PTPRU: variants seen among roughly 807,000 people sequenced by gnomAD.
PTPRU encodes the protein protein tyrosine phosphatase receptor type U.
In PTPRU, 69 loss-of-function variants were observed where a neutral mutation model predicts 166.3. The ratio of observed to expected loss-of-function variants is 0.41; its 90% CI spans 0.34 to 0.51. The LOEUF is 0.51. Among genes scored for constraint, PTPRU ranks in the 20% least tolerant of loss-of-function variants. The probability of loss-of-function intolerance (pLI) is 0.09; values close to 1 mark genes in which losing one functional copy is unlikely to be tolerated. For missense variants in PTPRU, 1,657 were observed against 2,013.7 expected (o/e 0.82, Z 3.39); for synonymous variants, 793 against 814.0 (o/e 0.97, Z 0.44).
At chr1:29,278,828 C>T (rs999032347) in intron 8 of PTPRU, among the ~76,000 whole-genome samples, 184 bp from the exon 9 acceptor site, 1 of 152,248 alleles carries the variant, frequency 6.6e-6, no homozygotes, top group Non-Finnish European at 1.5e-5. Context: ...ATGTACATCA[C>T]ATCATTTGAG....
In PTPRU at chr1:29,238,082, G is replaced by A. The variant is rs1477870789; in HGVS notation, c.73+1365G>A. On this transcript the variant is annotated intron_variant, in intron 1 of 29. Transcript: ENST00000373779. This position sits in a 1 kb window ranked among gnomAD's most constrained non-coding sequence, Gnocchi z 6.1. ...GCCAGGTGTGTGCTTGAGTGTGAGC[G>A]TGAGTGTGAGCGTGTGGCTCCGCGC... 3.4e-5 allele frequency among the ~76,000 whole-genome samples: 5 copies of A among 149,142 alleles called. No homozygotes were observed. Among genetic ancestry groups the A allele is most frequent in the Non-Finnish European group, 7.4e-5 (5 of 67,862 alleles).
chr1:29,279,930 C>A lies in PTPRU; in HGVS notation c.1766-109C>A. ...GGTCATGTCAGCAGGAACAAAGAGG[C>A]TAAGGCTGAAGTAGGGGAGATCTGA... is the stretch of plus-strand genomic sequence containing the variant. On this transcript the variant is annotated intron_variant, in intron 10 of 29. Transcript: ENST00000373779. The surrounding 1 kb of genome is among the most constrained non-coding windows in gnomAD (Gnocchi z 5.2). 1 of 1,204,388 alleles carries A rather than the reference C, an allele frequency of 8.3e-7. No homozygotes were observed. Among genetic ancestry groups the A allele is most frequent in the Non-Finnish European group, 1.2e-6 (1 of 846,726 alleles). 74.6% of individuals were successfully genotyped at this position (1,204,388 alleles called of 1,614,324 possible). A position where few individuals can be genotyped will look rare whatever the true frequency, so the allele number is the denominator to read the frequency against.
chr1:29,306,015 G>A (rs971245985), intron 18 of PTPRU, among the ~76,000 whole-genome samples: 2 of 152,214 alleles, frequency 1.3e-5, no homozygotes, highest in African/African-American at 2.4e-5. Context: ...CTTTACAGGT[G>A]AGGAAACCGG....
In PTPRU at chr1:29,325,241, A is replaced by C; in HGVS notation, c.4163A>C (p.Glu1388Ala). Reference protein sequence around the residue: ...GTFCACATVLEMIRCHNLVDV... With the variant: ...GTFCACATVLAMIRCHNLVDV... ...TTCTGCGCCTGCGCCACGGTCCTGG[A>C]GATGATCCGCTGCCACAACTTGGTG... Residue 1388 changes from glutamate to alanine, a missense_variant, in exon 29 of 30, where the codon GAG becomes GCG. Physicochemically the swap from Glu to Ala is moderately radical, Grantham distance 107. Coordinates refer to ENST00000373779, the MANE Select transcript of PTPRU (RefSeq NM_133178.4). 1 of 1,614,208 alleles carries C rather than the reference A, an allele frequency of 6.2e-7. No homozygotes were observed. Among genetic ancestry groups the C allele is most frequent in the Non-Finnish European group, 8.5e-7 (1 of 1,180,044 alleles).
chr1:29,306,702 G>T (rs1050214182), intron 18 of PTPRU, among the ~76,000 whole-genome samples: 5 of 152,200 alleles, frequency 3.3e-5, no homozygotes, highest in Non-Finnish European at 7.4e-5. Context: ...GCAGAGCAAG[G>T]CACAGGTCTG....
chr1:29,305,537 G>C, intron 18 of PTPRU, 109 bp downstream of exon 18: 1 of 1,117,716 alleles, frequency 8.9e-7, no homozygotes, highest in Non-Finnish European at 1.4e-6. Context: ...AAATGGCTGA[G>C]TTCGGAGTGC....
chr1:29,259,600 T>TGGGGGGGGGGGGGGGGGG, intron 5 of PTPRU, 36 bp downstream of exon 5: 1 of 253,694 alleles, frequency 3.9e-6, no homozygotes, highest in African/African-American at 4.4e-5. Flanking sequence ...GGGGGCGGGG[T>TGGGGGGGGGGGGGGGGGG]GGGAGGGGGT....
chr1:29,314,204 T>G (rs1269390856), intron 22 of PTPRU, among the ~76,000 whole-genome samples: 2 of 152,228 alleles, frequency 1.3e-5, no homozygotes, highest in Non-Finnish European at 2.9e-5. Context: ...GTAGTGCTGC[T>G]AAGGACATTC....
intron 7 of PTPRU, among the ~76,000 whole-genome samples, chr1:29,273,098 G>A (rs1685642552): frequency 6.6e-6 from 1 of 152,004 alleles, no homozygotes; most frequent in South Asian, 2.1e-4. Flanking sequence ...CAGAGTGTAA[G>A]AGAGAAAAGG....
At chr1:29,281,084 T>C (rs1185976454) in intron 11 of PTPRU, among the ~76,000 whole-genome samples, 7 of 151,986 alleles carry the variant, frequency 4.6e-5, no homozygotes, top group South Asian at 2.1e-4. Context: ...TCCACGAAGG[T>C]ACATGCTCTG....
At chr1:29,249,705 G>A (rs1684465153) in intron 1 of PTPRU, among the ~76,000 whole-genome samples, 1 of 152,186 alleles carries the variant, frequency 6.6e-6, no homozygotes, top group Non-Finnish European at 1.5e-5. Flanking sequence ...GTCCTCACCA[G>A]TTTCTGACAT....
intron 7 of PTPRU, among the ~76,000 whole-genome samples, chr1:29,268,460 A>C (rs1685398512): frequency 6.6e-6 from 1 of 152,242 alleles, no homozygotes; most frequent in Non-Finnish European, 1.5e-5. Flanking sequence ...AACATCCTAC[A>C]ATGCACAGAC....
chr1:29,279,481 C>T lies in PTPRU; in HGVS notation c.1589C>T (p.Ser530Leu). The change falls in exon 10 of 30, where the codon TCA (serine) becomes TTA (leucine). Residue 530 changes from serine (S) to leucine (L), a missense_variant. Ser to Leu is a moderately radical substitution (Grantham distance 145, BLOSUM62 -2). This residue lies in a region of PTPRU where 1,190 missense variants were observed against 1,477.4 expected (regional missense o/e 0.81). Coordinates refer to ENST00000373779, the MANE Select transcript of PTPRU (RefSeq NM_133178.4). The surrounding 1 kb of genome is among the most constrained non-coding windows in gnomAD (Gnocchi z 5.2). The part of the protein sequence containing the change: ...YEISYQSIES[S>L]DPAVNVPGPR... ...ATCAGCTACCAGAGCATCGAGTCAT[C>T]AGACCCGGCAGTGAACGTGCCAGGC... The T allele has an allele frequency of 6.2e-7, 1 of 1,614,168 alleles. No individual in the cohort carries two copies. Among genetic ancestry groups the T allele is most frequent in the Non-Finnish European group, 8.5e-7 (1 of 1,180,016 alleles).
intron 1 of PTPRU, among the ~76,000 whole-genome samples, chr1:29,251,443 T>C (rs955298411): frequency 5.3e-5 from 8 of 152,054 alleles, no homozygotes; most frequent in African/African-American, 1.9e-4. Context: ...AGTGAGATAG[T>C]CTGGGGGTCA....
chr1:29,325,662 C>G lies in PTPRU; in HGVS notation c.*1C>G, dbSNP rs776725310. 1 of 1,603,174 alleles carries G rather than the reference C, an allele frequency of 6.2e-7. No homozygotes were observed. Among genetic ancestry groups the G allele is most frequent in the Non-Finnish European group, 8.5e-7 (1 of 1,173,926 alleles). ...CTTGGAGGGGCTGGAGTCAAGATAG[C>G]GGGGCCCTGGCCTGGGGCACCCACT... On this transcript the variant is annotated 3_prime_UTR_variant, in exon 30 of 30. Coordinates refer to ENST00000373779, the MANE Select transcript of PTPRU (RefSeq NM_133178.4).
At chr1:29,293,693 C>T (rs972248222) in intron 15 of PTPRU, among the ~76,000 whole-genome samples, 1 of 151,848 alleles carries the variant, frequency 6.6e-6, no homozygotes, top group Non-Finnish European at 1.5e-5. Context: ...CCAGGATGGT[C>T]TCGATCTCCT....
In PTPRU at chr1:29,325,730, G is replaced by C; in HGVS notation, c.*69G>C. On this transcript the variant is annotated 3_prime_UTR_variant, in exon 30 of 30. Coordinates refer to ENST00000373779, the MANE Select transcript of PTPRU (RefSeq NM_133178.4). ...CCCACCATCCTGGACTGGCGAGGAA[G>C]ATCAGTGCCTCCTGCTCTGCCCAAA... The C allele has an allele frequency of 6.9e-7, 1 of 1,443,706 alleles. No homozygotes were observed. The highest frequency in any genetic ancestry group is 2.0e-5 in the Admixed American group (1 of 49,898). The allele number at this position is 1,443,706 out of a possible 1,614,324, so 89.4% of individuals were successfully genotyped here. A position where few individuals can be genotyped will look rare whatever the true frequency, so the allele number is the denominator to read the frequency against.
intron 14 of PTPRU, among the ~76,000 whole-genome samples, chr1:29,288,519 G>A (rs887500670): frequency 1.3e-5 from 2 of 152,122 alleles, no homozygotes; most frequent in African/African-American, 4.8e-5. Flanking sequence ...GTCCTCCCTC[G>A]TGGGGCCTCT....
At position 29,260,284 on chromosome 1, in the gene PTPRU, G is replaced by T. The variant is rs925673380; in HGVS notation, c.850+240G>T. 1.8e-5 allele frequency: 9 copies of T among 500,582 alleles called. No individual in the cohort carries two copies. In the African/African-American group the frequency reaches 1.8e-4, roughly 10 times the overall value. The allele number at this position is 500,582 out of a possible 1,614,324, so 31.0% of individuals were successfully genotyped here. On this transcript the variant is annotated intron_variant, in intron 6 of 29. Coordinates refer to ENST00000373779, the MANE Select transcript of PTPRU (RefSeq NM_133178.4). The surrounding 1 kb of genome is among the most constrained non-coding windows in gnomAD (Gnocchi z 8.3). Reference sequence around the variant, plus strand: ...AGGGTCAAGGTGAGAGCCTAAAGAGGGGTGGGGTTCTGGCTGTGTGACTTC... The same window carrying T: ...AGGGTCAAGGTGAGAGCCTAAAGAGTGGTGGGGTTCTGGCTGTGTGACTTC...
Sources: gnomAD v4.1 joint callset for allele counts (sites outside exome capture counted in the v4.1 genomes callset) on GRCh38, gnomAD v4.1.1 for gene constraint, gnomAD v4.1.1 regional missense constraint, Gnocchi (gnomAD v3.1) non-coding constraint, MANE v1.5 for transcripts, NCBI Gene and HGNC (gene_info 2026-07-23, HGNC 2026-07-21) for gene names.